The following ELMO1 variants were observed in gnomAD, a reference collection of about 807,000 sequenced individuals.
ELMO1 encodes engulfment and cell motility protein 1.
A neutral mutation model predicts 98.9 loss-of-function variants in ELMO1; 26 were observed. That is an observed-to-expected ratio of 0.26 (90% confidence interval 0.19 to 0.36). ELMO1 has a LOEUF of 0.36. ELMO1 is among the 10% of genes least tolerant of loss of function. ELMO1 has a pLI of 1.00. For synonymous variants in ELMO1, 346 were observed against 346.0 expected, an observed-to-expected ratio of 1.00 and a Z score of 0.00; for missense variants, 627 against 935.2, an observed-to-expected ratio of 0.67 and a Z score of 4.30.
chr7:36,958,282 C>G (rs138483758), intron 16 of ELMO1, among the ~76,000 whole-genome samples: 4 of 152,218 alleles, frequency 2.6e-5, no homozygotes, highest in African/African-American at 4.8e-5. Context: ...CCCACCTGAA[C>G]AGCCGAACAG....
At chr7:37,221,233 G>A (rs73108968) in intron 10 of ELMO1, among the ~76,000 whole-genome samples, 1,748 of 152,202 alleles carry the variant, frequency 0.011, 34 homozygotes, top group African/African-American at 0.037. Context: ...CAGCCCCCCA[G>A]GGATGAATAA....
intron 2 of ELMO1, among the ~76,000 whole-genome samples, chr7:37,332,302 T>C (rs1035862251): frequency 6.6e-6 from 1 of 152,258 alleles, no homozygotes; most frequent in Non-Finnish European, 1.5e-5. Flanking sequence ...TTATTGTCTG[T>C]ATCAATAGAC....
At chr7:37,290,395 G>A (rs1447675723) in intron 4 of ELMO1, among the ~76,000 whole-genome samples, 2 of 152,124 alleles carry the variant, frequency 1.3e-5, no homozygotes, top group Non-Finnish European at 1.5e-5. Context: ...TTAAAATTAT[G>A]TAATCTCTGA....
chr7:37,328,093 C>T (rs951695953), intron 2 of ELMO1, among the ~76,000 whole-genome samples: 5 of 151,972 alleles, frequency 3.3e-5, no homozygotes, highest in Admixed American at 6.6e-5. Flanking sequence ...TAAAACGTTA[C>T]GTAATTTGGC....
intron 1 of ELMO1, among the ~76,000 whole-genome samples, chr7:37,387,844 T>C (rs1051497791): frequency 1.3e-5 from 2 of 152,216 alleles, no homozygotes; most frequent in African/African-American, 4.8e-5. Flanking sequence ...CCCTTTATTT[T>C]ACTTTGAGAC....
At chr7:37,227,581 T>G (rs566209939) in intron 8 of ELMO1, among the ~76,000 whole-genome samples, 1 of 152,110 alleles carries the variant, frequency 6.6e-6, no homozygotes, top group Non-Finnish European at 1.5e-5. Context: ...AGATGGCATT[T>G]CACCAGATTG....
intron 15 of ELMO1, among the ~76,000 whole-genome samples, chr7:37,045,016 C>A (rs573518918): frequency 6.6e-6 from 1 of 152,154 alleles, no homozygotes; most frequent in Non-Finnish European, 1.5e-5. Context: ...AATATTACTA[C>A]GCCGGTATGA....
chr7:37,277,385 G>A (rs898771201), intron 4 of ELMO1, among the ~76,000 whole-genome samples: 1 of 152,180 alleles, frequency 6.6e-6, no homozygotes, highest in Non-Finnish European at 1.5e-5. Context: ...GGGAGAAGAG[G>A]AAACAGCACA....
chr7:37,040,028 G>A (rs1334837821), intron 15 of ELMO1, among the ~76,000 whole-genome samples: 1 of 152,146 alleles, frequency 6.6e-6, no homozygotes, highest in African/African-American at 2.4e-5. Flanking sequence ...TAATGTAAAT[G>A]TTTGTGTTTG....
At chr7:37,436,086 C>T (rs1805129937) in intron 1 of ELMO1, among the ~76,000 whole-genome samples, 2 of 152,204 alleles carry the variant, frequency 1.3e-5, no homozygotes, top group Non-Finnish European at 2.9e-5. Flanking sequence ...CCTGAATTCC[C>T]TCATCTGTAA....
At chr7:37,155,503 A>AAAAAAAAAT (rs61189239) in intron 13 of ELMO1, among the ~76,000 whole-genome samples, 22 of 131,778 alleles carry the variant, frequency 1.7e-4, no homozygotes, top group East Asian at 4.5e-4. Context: ...AAAAAAAAAA[A>AAAAAAAAAT]AAAAAGCAGG....
chr7:36,868,747 T>C (rs1329003865), intron 20 of ELMO1, among the ~76,000 whole-genome samples: 4 of 152,168 alleles, frequency 2.6e-5, no homozygotes, highest in African/African-American at 9.7e-5. Context: ...CATAATTCCC[T>C]CTATCTTTAT....
intron 7 of ELMO1, among the ~76,000 whole-genome samples, chr7:37,237,559 G>C (rs912351183): frequency 8.4e-4 from 128 of 152,222 alleles, no homozygotes; most frequent in Non-Finnish European, 1.6e-4. Context: ...CAAAGTGCTG[G>C]GATTACAGGC....
At chr7:37,281,641 T>G (rs1002426257) in intron 4 of ELMO1, among the ~76,000 whole-genome samples, 1 of 152,200 alleles carries the variant, frequency 6.6e-6, no homozygotes, top group Non-Finnish European at 1.5e-5. Flanking sequence ...GGGGCCTGGT[T>G]TGCTGCATTT....
chr7:37,076,853 T>C (rs867323096), intron 15 of ELMO1, among the ~76,000 whole-genome samples: 3 of 152,354 alleles, frequency 2.0e-5, no homozygotes, highest in Middle Eastern at 3.4e-3. Context: ...ATCAGGATGA[T>C]AGTGACAGGC....
At chr7:36,910,699 A>G (rs1432216921) in intron 16 of ELMO1, among the ~76,000 whole-genome samples, 1 of 152,204 alleles carries the variant, frequency 6.6e-6, no homozygotes, top group Non-Finnish European at 1.5e-5. Context: ...CTGTAGGGGA[A>G]GGGTTAAAAG....
intron 1 of ELMO1, among the ~76,000 whole-genome samples, chr7:37,407,765 G>C (rs1337031955): frequency 6.6e-6 from 1 of 152,090 alleles, no homozygotes; most frequent in African/African-American, 2.4e-5. Flanking sequence ...TTATGCATTC[G>C]TTCAATCTCA....
At chr7:37,025,537 T>A (rs1794517739) in intron 15 of ELMO1, among the ~76,000 whole-genome samples, 1 of 152,154 alleles carries the variant, frequency 6.6e-6, no homozygotes, top group African/African-American at 2.4e-5. Context: ...GCCCAACCCT[T>A]GAGGGTCTGA....
At chr7:37,158,361 T>A (rs1335890344) in intron 13 of ELMO1, among the ~76,000 whole-genome samples, 1 of 152,000 alleles carries the variant, frequency 6.6e-6, no homozygotes, top group Non-Finnish European at 1.5e-5. Context: ...ATCATCAGAG[T>A]GAACAGGCAA....
Sources: gnomAD v4.1 joint callset for allele counts (sites outside exome capture counted in the v4.1 genomes callset) on GRCh38, gnomAD v4.1.1 for gene constraint, MANE v1.5 for transcripts, NCBI Gene and HGNC (gene_info 2026-07-23, HGNC 2026-07-21) for gene names.